The following PDPN variants were observed in gnomAD, a reference collection of about 807,000 sequenced individuals.
The protein encoded by PDPN is podoplanin.
Under a neutral mutation model 23.2 loss-of-function variants are expected in PDPN, and 12 were observed. The observed-to-expected ratio is 0.52, with a 90% CI of 0.33 to 0.84. The LOEUF (loss-of-function observed/expected upper bound fraction) is 0.84. Ranked by LOEUF, PDPN falls within the 40% of genes least tolerant of loss-of-function variation. PDPN has a pLI of 0.02. For missense variants in PDPN, 199 were observed against 212.2 expected (o/e 0.94, Z 0.39); for synonymous variants, 77 against 76.7 (o/e 1.00, Z -0.02).
chr1:13,607,679 T>C (rs1164289686), intron 2 of PDPN, among the ~76,000 whole-genome samples: 1 of 152,150 alleles, frequency 6.6e-6, no homozygotes, highest in Non-Finnish European at 1.5e-5. Flanking sequence ...GGTTGGAGAG[T>C]AGAAGCCAGA....
chr1:13,615,882 G>A (rs372166489), intron 5 of PDPN, 23 bp from the exon 6 acceptor site: 39 of 1,610,412 alleles, frequency 2.4e-5, no homozygotes, highest in Admixed American at 1.2e-4. Flanking sequence ...AGACACGACC[G>A]TCACCCTTCT....
intron 1 of PDPN, among the ~76,000 whole-genome samples, chr1:13,598,022 C>T (rs1014552305): frequency 3.3e-5 from 5 of 151,554 alleles, no homozygotes; most frequent in African/African-American, 9.7e-5. Flanking sequence ...TTTTTTCTTT[C>T]TCTTTCCTTT....
intron 1 of PDPN, among the ~76,000 whole-genome samples, chr1:13,599,968 A>G (rs189257060): frequency 6.6e-6 from 1 of 152,220 alleles, no homozygotes; most frequent in Non-Finnish European, 1.5e-5. Flanking sequence ...AGTGAGTCAT[A>G]CCTTCCTTCT....
Position 13,587,030 on chromosome 1 carries a change from A to G in PDPN, c.67+2930A>G, listed in dbSNP as rs12030944. On this transcript the variant is annotated intron_variant, in intron 1 of 5. Coordinates refer to ENST00000621990, the MANE Select transcript of PDPN (RefSeq NM_006474.5). ...CACACCACAGCACTCCAGCCTGGCAACAGAGCGAGACTCCGTCTCAAAAAT... is the reference window on the plus strand; with the variant it reads ...CACACCACAGCACTCCAGCCTGGCAGCAGAGCGAGACTCCGTCTCAAAAAT... 8.4e-3 allele frequency among the ~76,000 whole-genome samples: 1,279 copies of G among 152,338 alleles called. 49 individuals are homozygous for G. The East Asian group carries it at 0.11, about 13-fold the overall frequency.
intron 1 of PDPN, among the ~76,000 whole-genome samples, chr1:13,602,171 C>A (rs946755397): frequency 1.3e-5 from 2 of 151,954 alleles, no homozygotes; most frequent in Non-Finnish European, 2.9e-5. Context: ...CTAAAAAATA[C>A]AAAAAAATTA....
intron 3 of PDPN, among the ~76,000 whole-genome samples, chr1:13,613,048 C>T (rs577879284): frequency 2.6e-5 from 4 of 152,182 alleles, no homozygotes; most frequent in African/African-American, 4.8e-5. Flanking sequence ...CTCACAATGA[C>T]AAATACTCAC....
At chr1:13,593,525 C>T (rs1570019589) in intron 1 of PDPN, among the ~76,000 whole-genome samples, 1 of 152,150 alleles carries the variant, frequency 6.6e-6, no homozygotes, top group African/African-American at 2.4e-5. Context: ...CTTCGAGGTC[C>T]GAAACCAGGC....
At position 13,616,190 on chromosome 1, in the gene PDPN, G is replaced by A. The variant is rs1175953598; in HGVS notation, c.*279G>A. On this transcript the variant is annotated 3_prime_UTR_variant, in exon 6 of 6. Coordinates refer to ENST00000621990, the MANE Select transcript of PDPN (RefSeq NM_006474.5). Reference sequence around the variant, plus strand: ...AATTCATAGAAAATGGAGCAAAACTGTATAAACTGATTTGTAACTAACACT... The same window carrying A: ...AATTCATAGAAAATGGAGCAAAACTATATAAACTGATTTGTAACTAACACT... 5 of 513,066 alleles carry A rather than the reference G, an allele frequency of 9.7e-6. No homozygotes were observed. Among genetic ancestry groups the A allele is most frequent in the African/African-American group, 3.8e-5 (2 of 52,122 alleles). The allele number at this position is 513,066 out of a possible 1,614,324, so 31.8% of individuals were successfully genotyped here. A position where few individuals can be genotyped will look rare whatever the true frequency, so the allele number is the denominator to read the frequency against.
chr1:13,596,329 C>T (rs905993872), intron 1 of PDPN, among the ~76,000 whole-genome samples: 2 of 152,134 alleles, frequency 1.3e-5, no homozygotes, highest in African/African-American at 4.8e-5. Context: ...CTTCAGTTAG[C>T]GCTATGTACG....
At chr1:13,607,903 G>A (rs1017696478) in intron 2 of PDPN, among the ~76,000 whole-genome samples, 1 of 152,122 alleles carries the variant, frequency 6.6e-6, no homozygotes, top group Non-Finnish European at 1.5e-5. Flanking sequence ...TCAGGAGTTC[G>A]AGATCAGCCT....
chr1:13,590,980 T>C (rs956157498), intron 1 of PDPN, among the ~76,000 whole-genome samples: 2 of 151,938 alleles, frequency 1.3e-5, no homozygotes, highest in Non-Finnish European at 2.9e-5. Context: ...CTCGCTCTGT[T>C]GCCCAGGCTG....
chr1:13,610,843 CTCAG>C (rs1640916254), intron 3 of PDPN, among the ~76,000 whole-genome samples: 2 of 152,246 alleles, frequency 1.3e-5, no homozygotes, highest in Non-Finnish European at 2.9e-5. Flanking sequence ...GGGCACGACA[CTCAG>C]CCATCCTCTG....
Position 13,583,917 on chromosome 1 carries a change from G to T in PDPN, c.-117G>T. ...CGGGGCTCCTGCTCCCACCCCTCCG[G>T]CCCCCCCACCGTCGCGCTCCTCCAG... On this transcript the variant is annotated 5_prime_UTR_variant, in exon 1 of 6. Coordinates refer to ENST00000621990, the MANE Select transcript of PDPN (RefSeq NM_006474.5). The T allele has an allele frequency of 1.9e-6, 3 of 1,611,772 alleles. No homozygotes were observed. Among genetic ancestry groups the T allele is most frequent in the Non-Finnish European group, 2.5e-6 (3 of 1,178,824 alleles).
chr1:13,599,053 T>G (rs1242523381), intron 1 of PDPN, among the ~76,000 whole-genome samples: 5 of 141,538 alleles, frequency 3.5e-5, no homozygotes, highest in Non-Finnish European at 6.1e-5. Flanking sequence ...GCTCTGTCAC[T>G]AGCCTGGAGT....
Position 13,585,621 on chromosome 1 carries a change from C to T in PDPN, c.67+1521C>T, listed in dbSNP as rs773168928. On this transcript the variant is annotated intron_variant, in intron 1 of 5. Transcript: ENST00000621990. The stretch of plus-strand genomic sequence containing the variant: ...AGCTTTAGCTGTGATTCCCTTCAGC[C>T]GGCTCCTGAATGTCAAAGGTACTCC... 14 of 1,351,834 alleles carry T rather than the reference C, an allele frequency of 1.0e-5. No individual in the cohort carries two copies. In the African/African-American group the frequency reaches 1.6e-4, roughly 16 times the overall value. 83.7% of individuals were successfully genotyped at this position (1,351,834 alleles called of 1,614,324 possible).
At chr1:13,590,372 C>T (rs993447491) in intron 1 of PDPN, among the ~76,000 whole-genome samples, 1 of 152,184 alleles carries the variant, frequency 6.6e-6, no homozygotes, top group Non-Finnish European at 1.5e-5. Flanking sequence ...AAAGAACATA[C>T]AAGCAACAGA....
intron 3 of PDPN, 58 bp downstream of exon 3, chr1:13,610,574 C>T (rs137943011): frequency 5.1e-6 from 8 of 1,559,850 alleles, no homozygotes; most frequent in Non-Finnish European, 7.0e-6. Context: ...TTGGTGCATT[C>T]CAAAGTCCAT....
chr1:13,594,050 C>T (rs1640425262), intron 1 of PDPN, among the ~76,000 whole-genome samples: 2 of 152,190 alleles, frequency 1.3e-5, no homozygotes, highest in Non-Finnish European at 1.5e-5. Flanking sequence ...AATGTGAACA[C>T]TGAGCAGTTC....
intron 1 of PDPN, among the ~76,000 whole-genome samples, chr1:13,587,332 C>T (rs1343618303): frequency 6.6e-6 from 1 of 152,220 alleles, no homozygotes; most frequent in African/African-American, 2.4e-5. Context: ...GCACACCTCA[C>T]ATGCTAAAGT....
Sources: allele counts gnomAD v4.1 joint callset (sites outside exome capture counted in the v4.1 genomes callset), GRCh38; gene constraint gnomAD v4.1.1; transcripts MANE v1.5; gene names NCBI Gene and HGNC (gene_info 2026-07-23, HGNC 2026-07-21).